Variants in YAP1 observed in about 807,000 individuals in gnomAD.
The protein encoded by YAP1 is transcriptional coactivator YAP1.
Under a neutral mutation model 56.9 loss-of-function variants are expected in YAP1, and 5 were observed. The ratio of observed to expected loss-of-function variants is 0.09; its 90% CI spans 0.05 to 0.18. The LOEUF (loss-of-function observed/expected upper bound fraction) is 0.18, where lower values mean the gene tolerates loss of function less well. Ranked by LOEUF, YAP1 falls within the 10% of genes least tolerant of loss-of-function variation. The pLI is 1.00. For synonymous variants in YAP1, 265 were observed against 248.1 expected (o/e 1.07, Z -0.64); for missense variants, 539 against 651.8 (o/e 0.83, Z 1.88).
chr11:102,214,574 C>T (rs1386548912), intron 6 of YAP1, among the ~76,000 whole-genome samples: 2 of 152,160 alleles, frequency 1.3e-5, no homozygotes, highest in South Asian at 2.1e-4. Flanking sequence ...TTTCAAAATC[C>T]TGTTAACACT....
rs1388109117 is a variant in YAP1, at chr11:102,209,544, G to A, written c.1012G>A (p.Ala338Thr). 5 of 1,596,828 alleles carry A rather than the reference G, an allele frequency of 3.1e-6. No individual in the cohort carries two copies. The African/African-American group carries it at 5.5e-5, about 17-fold the overall frequency. ...QAMRNINPST[A>T]NSPKCQELAL... The stretch of plus-strand genomic sequence containing the variant: ...AATGCGGAATATCAATCCCAGCACA[G>A]CAAATTCTCCAAAATGTCAGGTAGG... Residue 338 changes from alanine to threonine, a missense_variant, in exon 6 of 9, where the codon GCA (alanine) becomes ACA (threonine). By Grantham distance (58) the Ala-to-Thr change is moderately conservative. Transcript: ENST00000282441.
chr11:102,160,018 ATT>A (rs34332940), intron 2 of YAP1, among the ~76,000 whole-genome samples: 23 of 108,954 alleles, frequency 2.1e-4, no homozygotes, highest in South Asian at 3.0e-4. Context: ...TACATAAAGG[ATT>A]TTTTTTTTTT....
intron 2 of YAP1, among the ~76,000 whole-genome samples, chr11:102,150,956 A>G (rs1437104380): frequency 6.6e-6 from 1 of 151,852 alleles, no homozygotes; most frequent in African/African-American, 2.4e-5. Context: ...GTGCACCACC[A>G]TGCCGAACTA....
At chr11:102,173,033 G>C (rs760811502) in intron 3 of YAP1, among the ~76,000 whole-genome samples, 1 of 152,194 alleles carries the variant, frequency 6.6e-6, no homozygotes, top group Non-Finnish European at 1.5e-5. Context: ...GAGTGACATG[G>C]TATCAGTAAC....
intron 2 of YAP1, among the ~76,000 whole-genome samples, chr11:102,143,095 T>C (rs1945112015): frequency 6.6e-6 from 1 of 152,194 alleles, no homozygotes; most frequent in Non-Finnish European, 1.5e-5. Context: ...GAGCAGTTTC[T>C]GTGACCCTAT....
intron 2 of YAP1, among the ~76,000 whole-genome samples, chr11:102,152,224 T>C (rs764741901): frequency 6.6e-6 from 1 of 152,222 alleles, no homozygotes; most frequent in Non-Finnish European, 1.5e-5. Flanking sequence ...ACATATAGTC[T>C]TCAGTAACCA....
intron 2 of YAP1, among the ~76,000 whole-genome samples, chr11:102,139,777 G>T (rs1295256161): frequency 1.3e-5 from 2 of 152,146 alleles, no homozygotes; most frequent in African/African-American, 4.8e-5. Context: ...TGTAGACCTG[G>T]AATCTGTGTT....
At chr11:102,178,159 TAGTA>T (rs1254156093) in intron 3 of YAP1, among the ~76,000 whole-genome samples, 1 of 152,162 alleles carries the variant, frequency 6.6e-6, no homozygotes, top group African/African-American at 2.4e-5. Context: ...GCCGTGTACA[TAGTA>T]AGAACAGTTT....
intron 2 of YAP1, among the ~76,000 whole-genome samples, chr11:102,151,269 G>C (rs531330759): frequency 6.6e-6 from 1 of 152,054 alleles, no homozygotes; most frequent in South Asian, 2.1e-4. Context: ...TCAGCCAGTG[G>C]GGTTTAGCTG....
rs1950489632 is a variant in YAP1, at chr11:102,233,317, G to A, written c.*3377G>A. 1 of 152,100 alleles carries A rather than the reference G, an allele frequency of 6.6e-6. No homozygotes were observed. Among genetic ancestry groups the A allele is most frequent in the Non-Finnish European group, 1.5e-5 (1 of 68,024 alleles). 9.4% of individuals were successfully genotyped at this position (152,100 alleles called of 1,614,324 possible). On this transcript the variant is annotated 3_prime_UTR_variant, in exon 9 of 9. Transcript: ENST00000282441. ...TTTATTTTTTGTTTTAGATGTAAGA[G>A]CATGCTCATATGTTAGGTACTTACA... is the stretch of plus-strand genomic sequence containing the variant.
chr11:102,182,873 A>C (rs1274346292), intron 3 of YAP1, among the ~76,000 whole-genome samples: 1 of 152,202 alleles, frequency 6.6e-6, no homozygotes, highest in East Asian at 1.9e-4. Flanking sequence ...ATTATTTTGT[A>C]TTTGGTATAT....
At chr11:102,166,109 T>C (rs1031191484) in intron 3 of YAP1, among the ~76,000 whole-genome samples, 2 of 152,186 alleles carry the variant, frequency 1.3e-5, no homozygotes, top group Non-Finnish European at 2.9e-5. Context: ...CCGCAACACA[T>C]CGATTCTAGG....
At chr11:102,124,430 T>TTCAATATGGATGATGCCTACTCGGTCG (rs1390461151) in intron 2 of YAP1, among the ~76,000 whole-genome samples, 12 of 152,318 alleles carry the variant, frequency 7.9e-5, no homozygotes, top group African/African-American at 2.9e-4. Flanking sequence ...AAACTCGGTC[T>TTCAATATGGATGATGCCTACTCGGTCG]TCAATATGGA....
At chr11:102,199,985 AG>A (rs566084186) in intron 4 of YAP1, among the ~76,000 whole-genome samples, 39 of 152,372 alleles carry the variant, frequency 2.6e-4, no homozygotes, top group African/African-American at 8.7e-4. Context: ...ATAATAAAAA[AG>A]TTAGTTTCAA....
intron 2 of YAP1, among the ~76,000 whole-genome samples, chr11:102,141,717 TA>T (rs1204538120): frequency 6.6e-6 from 1 of 152,322 alleles, no homozygotes; most frequent in East Asian, 1.9e-4. Context: ...TGCATTTGGT[TA>T]AAAAAATTTC....
intron 3 of YAP1, among the ~76,000 whole-genome samples, chr11:102,172,291 C>A (rs1209865899): frequency 1.4e-5 from 2 of 142,768 alleles, no homozygotes; most frequent in African/African-American, 2.6e-5. Context: ...AAAGGAAGAA[C>A]AGTGAAGAAT....
chr11:102,201,850 G>A (rs1282712965), intron 4 of YAP1, among the ~76,000 whole-genome samples: 1 of 151,822 alleles, frequency 6.6e-6, no homozygotes, highest in Non-Finnish European at 1.5e-5. Flanking sequence ...GCAGAGTAAT[G>A]TCTCTAAATA....
intron 3 of YAP1, among the ~76,000 whole-genome samples, chr11:102,180,048 C>T (rs1396802023): frequency 5.8e-5 from 8 of 137,922 alleles, no homozygotes; most frequent in East Asian, 4.2e-4. Context: ...TCGCATCCGT[C>T]GTCCAGGCTG....
chr11:102,151,828 G>A (rs767893164), intron 2 of YAP1, among the ~76,000 whole-genome samples: 28 of 152,104 alleles, frequency 1.8e-4, no homozygotes, highest in Non-Finnish European at 2.2e-4. Flanking sequence ...CTGCCTCTAC[G>A]ACCCATTAGT....
Sources: gnomAD v4.1 joint callset for allele counts (sites outside exome capture counted in the v4.1 genomes callset) on GRCh38, gnomAD v4.1.1 for gene constraint, MANE v1.5 for transcripts, NCBI Gene and HGNC (gene_info 2026-07-23, HGNC 2026-07-21) for gene names.